Variants in NPC1L1 observed in about 807,000 individuals in gnomAD.
NPC1L1 encodes NPC1-like intracellular cholesterol transporter 1.
Under a neutral mutation model 117.0 loss-of-function variants are expected in NPC1L1, and 98 were observed. That is an observed-to-expected ratio of 0.84 (90% CI 0.71 to 0.99). NPC1L1 has a LOEUF of 0.99. Ranked by LOEUF, NPC1L1 falls within the 50% of genes least tolerant of loss-of-function variation. NPC1L1 has a pLI of 0.00. For synonymous variants in NPC1L1, 729 were observed against 727.6 expected (o/e 1.00, Z -0.03); for missense variants, 1,540 against 1,710.0 (o/e 0.90, Z 1.75).
intron 7 of NPC1L1, 28 bp downstream of exon 7, chr7:44,533,711 C>G: frequency 6.2e-7 from 1 of 1,611,292 alleles, no homozygotes; most frequent in Non-Finnish European, 8.5e-7. Context: ...AGCCTAATGC[C>G]GAGTGGGGAG....
In NPC1L1 at chr7:44,536,579, C is replaced by A. The variant is rs1290040977; in HGVS notation, c.1682-151G>T. On this transcript the variant is annotated intron_variant, in intron 3 of 18. Transcript: ENST00000381160. This position sits in a 1 kb window ranked among gnomAD's most constrained non-coding sequence, Gnocchi z 4.7. ...CACTCCTTCCTCATCTGATACATGG[C>A]CTTACCTCCTACACCCCACTTCTCT... 2 of 945,314 alleles carry A rather than the reference C, an allele frequency of 2.1e-6. No homozygotes were observed. Among genetic ancestry groups the A allele is most frequent in the South Asian group, 2.8e-5 (2 of 70,980 alleles). The allele number at this position is 945,314 out of a possible 1,614,324, so 58.6% of individuals were successfully genotyped here. A position where few individuals can be genotyped will look rare whatever the true frequency, so the allele number is the denominator to read the frequency against.
chr7:44,529,376 A>C (rs530044913), intron 10 of NPC1L1, among the ~76,000 whole-genome samples: 1 of 151,238 alleles, frequency 6.6e-6, no homozygotes, highest in African/African-American at 2.4e-5. Flanking sequence ...ATCAGACAAA[A>C]TATACTTTTT....
intron 18 of NPC1L1, 72 bp downstream of exon 18, chr7:44,515,731 G>C: frequency 6.3e-7 from 1 of 1,590,240 alleles, no homozygotes; most frequent in South Asian, 1.1e-5. Context: ...AGCTTTTGTG[G>C]TGAGCATGCA....
In NPC1L1 at chr7:44,516,214, G is replaced by A. The variant is rs548657528; in HGVS notation, c.3520-17C>T. ...GCCCACCGCCTATGGGCAGAGAGGGGGCATAAGCCAAGAAAGGCAGAGGTG... is the reference window on the plus strand; with the variant it reads ...GCCCACCGCCTATGGGCAGAGAGGGAGCATAAGCCAAGAAAGGCAGAGGTG... On this transcript the variant is annotated splice_polypyrimidine_tract_variant and intron_variant, in intron 16 of 18. Coordinates refer to ENST00000381160, the MANE Select transcript of NPC1L1 (RefSeq NM_001101648.2). 2.6e-5 allele frequency: 41 copies of A among 1,584,058 alleles called. No homozygotes were observed. The African/African-American group carries it at 4.4e-4, about 17-fold the overall frequency.
At chr7:44,523,970 T>C (rs531012679) in intron 10 of NPC1L1, among the ~76,000 whole-genome samples, 8 of 152,332 alleles carry the variant, frequency 5.3e-5, no homozygotes, top group African/African-American at 1.9e-4. Context: ...CAGCCACTAA[T>C]GCAACTCCCA....
rs1380412403 is a variant in NPC1L1, at chr7:44,521,801, T to C, written c.2864A>G (p.Asp955Gly). The C allele has an allele frequency of 6.2e-7, 1 of 1,613,886 alleles. No homozygotes were observed. Residue 955 changes from aspartate (D) to glycine (G), a missense_variant, in exon 12 of 19, where the codon GAT (aspartate) becomes GGT (glycine). Asp to Gly is a moderately conservative substitution (Grantham distance 94). Transcript: ENST00000381160. Reference sequence around the variant, plus strand: ...CGGGGTCAGCCAGTCAATGAAGTCATCCACCCAGGAGGAGGCAGGGATGGC... The same window carrying C: ...CGGGGTCAGCCAGTCAATGAAGTCACCCACCCAGGAGGAGGCAGGGATGGC... The part of the protein sequence containing the change: ...YLAIPASSWV[D>G]DFIDWLTPSS...
rs372913370 is a variant in NPC1L1, at chr7:44,539,551, C to T, written c.846G>A (p.Pro282=). Residue 282 remains proline, a synonymous_variant, in exon 2 of 19, where the codon CCG becomes CCA. Transcript: ENST00000381160. The surrounding 1 kb of genome is among the most constrained non-coding windows in gnomAD (Gnocchi z 4.4). ...GGATGATGATGAGGACCAGACTGCCCGGCATCTGGCCCAGGTAGAAGGTGG... is the reference window on the plus strand; with the variant it reads ...GGATGATGATGAGGACCAGACTGCCTGGCATCTGGCCCAGGTAGAAGGTGG... ...LDSTFYLGQM[P]GSLVLIIILC... 114 of 1,613,898 alleles carry T rather than the reference C, an allele frequency of 7.1e-5. No individual in the cohort carries two copies. The highest frequency in any genetic ancestry group is 8.8e-5 in the South Asian group (8 of 91,082).
In NPC1L1 at chr7:44,539,910, T is replaced by C; in HGVS notation, c.487A>G (p.Ser163Gly). The change falls in exon 2 of 19, where the codon AGC becomes GGC. Residue 163 changes from serine to glycine, a missense_variant. Ser to Gly is a moderately conservative substitution (Grantham distance 56). This residue lies in a region of NPC1L1 where 793 missense variants were observed against 820.4 expected (regional missense o/e 0.97). Coordinates refer to ENST00000381160, the MANE Select transcript of NPC1L1 (RefSeq NM_001101648.2). This position sits in a 1 kb window ranked among gnomAD's most constrained non-coding sequence, Gnocchi z 4.4. ...GAGTCATAGCTCTGCTCGGCAAAGC[T>C]ATGCTGGTAGAAGGCCTCATAGGCC... is the stretch of plus-strand genomic sequence containing the variant. ...VVAYEAFYQH[S>G]FAEQSYDSCS... 1 of 1,614,198 alleles carries C rather than the reference T, an allele frequency of 6.2e-7. No homozygotes were observed. Among genetic ancestry groups the C allele is most frequent in the Non-Finnish European group, 8.5e-7 (1 of 1,180,042 alleles).
At chr7:44,522,747 C>A (rs1466545576) in intron 10 of NPC1L1, among the ~76,000 whole-genome samples, 1 of 152,086 alleles carries the variant, frequency 6.6e-6, no homozygotes, top group Non-Finnish European at 1.5e-5. Flanking sequence ...AGAGCAACAC[C>A]TATCACCTCA....
Position 44,520,982 on chromosome 7 carries a change from C to T in NPC1L1, c.3080+10G>A. The stretch of plus-strand genomic sequence containing the variant: ...CTGTCCTCCCCAGCAGAAGGCCCTC[C>T]CAAGCTTACCCTTTGGGACATTTGA... On this transcript the variant is annotated intron_variant, in intron 13 of 18. Coordinates refer to ENST00000381160, the MANE Select transcript of NPC1L1 (RefSeq NM_001101648.2). The T allele has an allele frequency of 6.2e-7, 1 of 1,614,146 alleles. No homozygotes were observed. The highest frequency in any genetic ancestry group is 8.5e-7 in the Non-Finnish European group (1 of 1,180,022).
chr7:44,521,752 T>C lies in NPC1L1; in HGVS notation c.2913A>G (p.Ile971Met), dbSNP rs1238658884. The stretch of plus-strand genomic sequence containing the variant: ...AGAACTTGTCCTTATTGGGGCCAGA[T>C]ATATAAAGGCGGCAGCAGGAGGACG... ...LTPSSCCRLYISGPNKDKFCP... is the reference protein window; with the variant it reads ...LTPSSCCRLYMSGPNKDKFCP... Residue 971 changes from isoleucine (I) to methionine (M), a missense_variant, in exon 12 of 19, where the codon ATA becomes ATG. By Grantham distance (10) the Ile-to-Met change is conservative (BLOSUM62 1). Transcript: ENST00000381160. The C allele has an allele frequency of 2.5e-6, 4 of 1,613,988 alleles. No homozygotes were observed. The East Asian group carries it at 6.7e-5, about 27-fold the overall frequency.
In NPC1L1 at chr7:44,534,693, C is replaced by T; in HGVS notation, c.1984-64G>A. Reference sequence around the variant, plus strand: ...ACCTACCCAGTATGCCCACCAGCCTCAGCTAGGCCAGACAAAGTAGCCGGC... The same window carrying T: ...ACCTACCCAGTATGCCCACCAGCCTTAGCTAGGCCAGACAAAGTAGCCGGC... On this transcript the variant is annotated intron_variant, in intron 5 of 18. Coordinates refer to ENST00000381160, the MANE Select transcript of NPC1L1 (RefSeq NM_001101648.2). This position sits in a 1 kb window ranked among gnomAD's most constrained non-coding sequence, Gnocchi z 5.2. The T allele has an allele frequency of 6.3e-7, 1 of 1,577,220 alleles. No individual in the cohort carries two copies. The highest frequency in any genetic ancestry group is 1.3e-5 in the African/African-American group (1 of 74,156).
At chr7:44,533,924 T>C (rs985000473) in intron 6 of NPC1L1, 71 bp from the exon 7 acceptor site, 1 of 1,321,228 alleles carries the variant, frequency 7.6e-7, no homozygotes, top group African/African-American at 1.5e-5. Flanking sequence ...CAGCAGGGAG[T>C]TGGCAAGTGC....
At chr7:44,528,807 G>T (rs1323912408) in intron 10 of NPC1L1, among the ~76,000 whole-genome samples, 2 of 151,722 alleles carry the variant, frequency 1.3e-5, no homozygotes, top group Non-Finnish European at 2.9e-5. Flanking sequence ...GGTGGCTCAC[G>T]CCTGTAATCC....
chr7:44,515,906 C>A lies in NPC1L1; in HGVS notation c.3693G>T (p.Lys1231Asn), dbSNP rs1563200309. 1 of 1,614,142 alleles carries A rather than the reference C, an allele frequency of 6.2e-7. No individual in the cohort carries two copies. Among genetic ancestry groups the A allele is most frequent in the East Asian group, 2.2e-5 (1 of 44,872 alleles). ...LPGILVLGLA[K>N]AQLIQIFFFR... ...AGAAGAAGATCTGAATGAGCTGGGC[C>A]TTGGCGAGGCCCAGGACAAGGATGC... Residue 1231 changes from lysine (K) to asparagine (N), a missense_variant, in exon 18 of 19, where the codon AAG (lysine) becomes AAT (asparagine). Coordinates refer to ENST00000381160, the MANE Select transcript of NPC1L1 (RefSeq NM_001101648.2).
In NPC1L1 at chr7:44,539,514, A is replaced by T. The variant is rs756819359; in HGVS notation, c.883T>A (p.Phe295Ile). The T allele has an allele frequency of 6.2e-7, 1 of 1,613,614 alleles. No homozygotes were observed. Among genetic ancestry groups the T allele is most frequent in the South Asian group, 1.1e-5 (1 of 91,076 alleles). The change falls in exon 2 of 19, where the codon TTC (phenylalanine) becomes ATC (isoleucine). Residue 295 changes from phenylalanine (F) to isoleucine (I), a missense_variant. By Grantham distance (21) the Phe-to-Ile change is conservative. Transcript: ENST00000381160. The surrounding 1 kb of genome is among the most constrained non-coding windows in gnomAD (Gnocchi z 4.4). ...LVLIIILCSVFAVVTILLVGF... is the reference protein window; with the variant it reads ...LVLIIILCSVIAVVTILLVGF... ...ACAAGCAGGATGGTGACCACAGCGA[A>T]GACAGAGCAGAGGATGATGATGAGG...
intron 14 of NPC1L1, among the ~76,000 whole-genome samples, chr7:44,519,000 T>C (rs1258912945): frequency 1.3e-5 from 2 of 151,814 alleles, no homozygotes; most frequent in Non-Finnish European, 2.9e-5. Flanking sequence ...TTTCTCTCTC[T>C]TTCTCTCTCT....
At chr7:44,515,738 T>A in intron 18 of NPC1L1, 65 bp downstream of exon 18, 1 of 1,600,032 alleles carries the variant, frequency 6.2e-7, no homozygotes, top group Non-Finnish European at 8.6e-7. Context: ...GTGGTGAGCA[T>A]GCACTGTTAC....
At chr7:44,517,154 G>A (rs886771102) in intron 15 of NPC1L1, 53 bp downstream of exon 15, 12 of 1,611,984 alleles carry the variant, frequency 7.4e-6, no homozygotes, top group Non-Finnish European at 9.3e-6. Flanking sequence ...CTAACCTCCA[G>A]TCTCCAGCAA....
Sources: allele counts gnomAD v4.1 joint callset (sites outside exome capture counted in the v4.1 genomes callset), GRCh38; gene constraint gnomAD v4.1.1; regional missense constraint gnomAD v4.1.1; non-coding constraint Gnocchi (gnomAD v3.1); transcripts MANE v1.5; gene names NCBI Gene and HGNC (gene_info 2026-07-23, HGNC 2026-07-21).